ANKS1B: variants seen among roughly 807,000 people sequenced by gnomAD.
The protein encoded by ANKS1B is ankyrin repeat and sterile alpha motif domain containing 1B.
ANKS1B carries 36 observed loss-of-function variants against 148.3 expected under a neutral mutation model. The ratio of observed to expected loss-of-function variants is 0.24; its 90% CI spans 0.19 to 0.32. The LOEUF (loss-of-function observed/expected upper bound fraction) is 0.32. ANKS1B is among the 10% of genes least tolerant of loss of function. ANKS1B has a pLI of 1.00. For synonymous variants in ANKS1B, 542 were observed against 560.8 expected (o/e 0.97, Z 0.47); for missense variants, 1,157 against 1,542.6 (o/e 0.75, Z 4.19).
chr12:99,831,280 T>C (rs1321329504), intron 1 of ANKS1B, among the ~76,000 whole-genome samples: 1 of 151,522 alleles, frequency 6.6e-6, no homozygotes, highest in Non-Finnish European at 1.5e-5. Flanking sequence ...TTTATCAAAT[T>C]GGGAAAAAAG....
chr12:99,570,668 A>C (rs1257455417), intron 9 of ANKS1B, among the ~76,000 whole-genome samples: 1 of 151,744 alleles, frequency 6.6e-6, no homozygotes, highest in East Asian at 1.9e-4. Context: ...AAAGGCAGAT[A>C]AATGAAACAA....
At chr12:98,749,153 C>T (rs972693999) in intron 26 of ANKS1B, among the ~76,000 whole-genome samples, 31 of 152,208 alleles carry the variant, frequency 2.0e-4, no homozygotes, top group Admixed American at 1.6e-3. Context: ...GGCTGGAGTG[C>T]AGTGGCTCAA....
Position 98,744,816 on chromosome 12 carries a change from T to A in ANKS1B, c.*923A>T. 1.0e-6 allele frequency: 1 copy of A among 985,334 alleles called. No individual in the cohort carries two copies. The highest frequency in any genetic ancestry group is 1.2e-6 in the Non-Finnish European group (1 of 829,824). The allele number at this position is 985,334 out of a possible 1,614,324, so 61.0% of individuals were successfully genotyped here. ...CTAGATTTTTTTTTTTTTAACATGT[T>A]CTTTAAAACACTGTGAAGATTAAAA... On this transcript the variant is annotated 3_prime_UTR_variant, in exon 27 of 27. Coordinates refer to ENST00000683438, the MANE Select transcript of ANKS1B (RefSeq NM_001352186.2).
At chr12:99,827,262 C>G (rs1158845453) in intron 1 of ANKS1B, among the ~76,000 whole-genome samples, 3 of 151,770 alleles carry the variant, frequency 2.0e-5, no homozygotes, top group African/African-American at 7.3e-5. Context: ...ACATGAATGA[C>G]CCGGGAAGAC....
At chr12:99,022,510 T>G (rs1199337119) in intron 17 of ANKS1B, among the ~76,000 whole-genome samples, 1 of 152,230 alleles carries the variant, frequency 6.6e-6, no homozygotes, top group African/African-American at 2.4e-5. Context: ...ACAATCTCTA[T>G]ACTGTTTATT....
chr12:99,053,580 C>T (rs1162630617), intron 16 of ANKS1B, among the ~76,000 whole-genome samples: 1 of 152,218 alleles, frequency 6.6e-6, no homozygotes, highest in Non-Finnish European at 1.5e-5. Context: ...TGTCAAACTT[C>T]TGTCATAGAC....
chr12:99,543,560 G>T (rs193138307), intron 9 of ANKS1B, among the ~76,000 whole-genome samples: 105 of 152,072 alleles, frequency 6.9e-4, no homozygotes, highest in African/African-American at 2.4e-3. Context: ...TAGTCAAAAA[G>T]GGTGAACAAC....
chr12:99,666,611 C>T (rs551409961), intron 8 of ANKS1B, among the ~76,000 whole-genome samples: 1 of 152,098 alleles, frequency 6.6e-6, no homozygotes, highest in Admixed American at 6.5e-5. Flanking sequence ...CTTCAGTGTA[C>T]AGGTCTTGCA....
At chr12:99,505,839 G>A (rs912981751) in intron 9 of ANKS1B, among the ~76,000 whole-genome samples, 1 of 151,998 alleles carries the variant, frequency 6.6e-6, no homozygotes, top group Admixed American at 6.6e-5. Context: ...TGAAAATATT[G>A]TAAGTAGAAA....
intron 14 of ANKS1B, among the ~76,000 whole-genome samples, chr12:99,224,981 TAGAG>T (rs1368990453): frequency 6.6e-6 from 1 of 152,140 alleles, no homozygotes; most frequent in Non-Finnish European, 1.5e-5. Context: ...ACAGGTTAAA[TAGAG>T]AGCCTTTTCT....
intron 12 of ANKS1B, among the ~76,000 whole-genome samples, chr12:99,325,336 G>C (rs775393569): frequency 7.9e-5 from 12 of 152,078 alleles, no homozygotes; most frequent in Non-Finnish European, 4.4e-5. Flanking sequence ...TGTGAGAATG[G>C]TGAAATCATT....
At position 99,788,028 on chromosome 12, in the gene ANKS1B, A is replaced by T. The variant is rs1244274064; in HGVS notation, c.670-5931T>A. ...GCTGAAGTGCTCTGGGATCCTCAGT[A>T]AACTTGAAAGGCAGTCTAGGACACA... On this transcript the variant is annotated intron_variant, in intron 4 of 26. Coordinates refer to ENST00000683438, the MANE Select transcript of ANKS1B (RefSeq NM_001352186.2). 3.9e-5 allele frequency among the ~76,000 whole-genome samples: 6 copies of T among 152,300 alleles called. No homozygotes were observed. The East Asian group carries it at 9.6e-4, about 24-fold the overall frequency.
intron 17 of ANKS1B, among the ~76,000 whole-genome samples, chr12:98,964,884 T>C (rs2099876485): frequency 1.3e-5 from 2 of 152,074 alleles, no homozygotes; most frequent in South Asian, 2.1e-4. Context: ...TAGTTAGATA[T>C]TTAGAATTAA....
intron 17 of ANKS1B, among the ~76,000 whole-genome samples, chr12:99,002,231 T>C (rs1275008259): frequency 6.6e-6 from 1 of 152,216 alleles, no homozygotes; most frequent in South Asian, 2.1e-4. Flanking sequence ...TGCCATACTA[T>C]TTTCCATAGC....
chr12:99,159,368 G>A (rs1052525833), intron 14 of ANKS1B, among the ~76,000 whole-genome samples: 2 of 151,940 alleles, frequency 1.3e-5, no homozygotes, highest in African/African-American at 4.8e-5. Flanking sequence ...TTCATACATT[G>A]TCCCCCTCCA....
At chr12:98,986,707 C>G (rs757119216) in intron 17 of ANKS1B, among the ~76,000 whole-genome samples, 5 of 152,082 alleles carry the variant, frequency 3.3e-5, no homozygotes, top group Non-Finnish European at 2.9e-5. Context: ...CTTGACCTAC[C>G]AGGCTCAAGC....
intron 8 of ANKS1B, among the ~76,000 whole-genome samples, chr12:99,721,184 G>A (rs2058047815): frequency 6.6e-6 from 1 of 151,930 alleles, no homozygotes; most frequent in Non-Finnish European, 1.5e-5. Context: ...CCCACTCTAG[G>A]TTCCCACGCC....
At chr12:98,864,349 C>T (rs1310684903) in intron 17 of ANKS1B, among the ~76,000 whole-genome samples, 3 of 152,174 alleles carry the variant, frequency 2.0e-5, no homozygotes, top group East Asian at 1.9e-4. Context: ...TTGTTAACTA[C>T]ACAGTAGTCA....
intron 1 of ANKS1B, among the ~76,000 whole-genome samples, chr12:99,926,979 G>T (rs1039541613): frequency 3.9e-5 from 6 of 152,266 alleles, no homozygotes; most frequent in African/African-American, 1.4e-4. Context: ...GATTACAGTT[G>T]TTTGGCTGGA....
Sources: allele counts gnomAD v4.1 joint callset (sites outside exome capture counted in the v4.1 genomes callset), GRCh38; gene constraint gnomAD v4.1.1; transcripts MANE v1.5; gene names NCBI Gene and HGNC (gene_info 2026-07-23, HGNC 2026-07-21).